The following SP140 variants were observed in gnomAD, a reference collection of about 807,000 sequenced individuals.
SP140 encodes the protein nuclear body protein SP140.
SP140 carries 81 observed loss-of-function variants against 125.0 expected under a neutral mutation model. That is an observed-to-expected ratio of 0.65 (90% confidence interval 0.54 to 0.78). The LOEUF (loss-of-function observed/expected upper bound fraction) is 0.78, where lower values mean the gene tolerates loss of function less well. Ranked by LOEUF, SP140 falls within the 30% of genes least tolerant of loss-of-function variation. The pLI, the probability that SP140 is intolerant of heterozygous loss-of-function variation, is 0.00. For synonymous variants in SP140, 312 were observed against 354.0 expected (o/e 0.88, Z 1.33); for missense variants, 858 against 1,037.0 (o/e 0.83, Z 2.37).
rs2049227777 is a variant in SP140, at chr2:230,245,024, C to T, written c.608C>T (p.Pro203Leu). The change falls in exon 6 of 27, where the codon CCA (proline) becomes CTA (leucine). Residue 203 changes from proline to leucine, a missense_variant. By Grantham distance (98) the Pro-to-Leu change is moderately conservative. This residue lies in a region of SP140 where 791 missense variants were observed against 869.5 expected (regional missense o/e 0.91). Transcript: ENST00000392045. ...GAGTCTTGTGAGCAGTTAGCTCTCCCAAAGGCTGGTGGAGGAGATGCTGAA... is the reference window on the plus strand; with the variant it reads ...GAGTCTTGTGAGCAGTTAGCTCTCCTAAAGGCTGGTGGAGGAGATGCTGAA... ...SSESCEQLAL[P>L]KAGGGDAEDA... 1 of 1,613,162 alleles carries T rather than the reference C, an allele frequency of 6.2e-7. No homozygotes were observed. The highest frequency in any genetic ancestry group is 1.3e-5 in the African/African-American group (1 of 74,842).
At chr2:230,216,663 C>G in intron 3 of SP140, 1 of 1,228,492 alleles carries the variant, frequency 8.1e-7, no homozygotes, top group Non-Finnish European at 1.2e-6. Flanking sequence ...TGATAATGAA[C>G]ATGCCTGGGC....
intron 15 of SP140, among the ~76,000 whole-genome samples, chr2:230,277,762 A>G (rs1044863541): frequency 3.3e-5 from 5 of 152,154 alleles, no homozygotes; most frequent in African/African-American, 1.2e-4. Context: ...ATGATGTGAG[A>G]TGGTAATTAA....
chr2:230,285,909 T>C, intron 17 of SP140, 77 bp downstream of exon 17: 1 of 1,093,462 alleles, frequency 9.1e-7, no homozygotes, highest in East Asian at 2.4e-5. Flanking sequence ...CGAGCCTAGA[T>C]CCACCTTAAT....
chr2:230,242,536 C>T (rs1264722542), intron 4 of SP140, among the ~76,000 whole-genome samples: 1 of 148,116 alleles, frequency 6.8e-6, no homozygotes, highest in Non-Finnish European at 1.5e-5. Context: ...GACCTGAGGA[C>T]CTTTACTCAA....
chr2:230,213,535 G>A (rs976922886), intron 1 of SP140: 1 of 166,284 alleles, frequency 6.0e-6, no homozygotes, highest in African/African-American at 2.4e-5. Context: ...CTGTGATCTG[G>A]TCACACCCAG....
chr2:230,280,625 A>G (rs1372723949), intron 15 of SP140, among the ~76,000 whole-genome samples: 1 of 152,074 alleles, frequency 6.6e-6, no homozygotes, highest in Non-Finnish European at 1.5e-5. Context: ...GCTGGTTTGG[A>G]AATTAAAGAT....
intron 3 of SP140, among the ~76,000 whole-genome samples, chr2:230,215,355 G>A (rs1436884677): frequency 6.6e-6 from 1 of 152,154 alleles, no homozygotes; most frequent in Non-Finnish European, 1.5e-5. Flanking sequence ...CTTTCTTAAA[G>A]TAAGTCTATA....
the SP140 span, among the ~76,000 whole-genome samples, chr2:230,191,799 C>T: frequency 6.6e-6 from 1 of 152,142 alleles, no homozygotes; most frequent in Non-Finnish European, 1.5e-5. Context: ...CAGCATCATC[C>T]TGATACCAAA....
chr2:230,220,754 A>T (rs143686571), upstream of SP140, among the ~76,000 whole-genome samples: 73 of 152,332 alleles, frequency 4.8e-4, no homozygotes, highest in African/African-American at 1.7e-3. Context: ...CTATAATCCC[A>T]GGACTTTAGG....
In SP140 at chr2:230,232,354, C is replaced by T. The variant is rs74940163; in HGVS notation, c.60-4729C>T. On this transcript the variant is annotated intron_variant, in intron 1 of 26. Coordinates refer to ENST00000392045, the MANE Select transcript of SP140 (RefSeq NM_007237.5). ...GCCTGCTGCCTCAGATAGTTGATCT[C>T]GGCTAATTCTCTGGATTTGCCTGTA... Among the ~76,000 whole-genome samples the T allele has an allele frequency of 3.1e-3, 476 of 152,324 alleles. 2 individuals are homozygous for T. The highest frequency in any genetic ancestry group is 0.011 in the African/African-American group (444 of 41,570).
chr2:230,218,903 A>T (rs1040991543), intron 3 of SP140, among the ~76,000 whole-genome samples: 1 of 151,812 alleles, frequency 6.6e-6, no homozygotes, highest in East Asian at 1.9e-4. Context: ...AATGAATAAT[A>T]CGATAAGCAT....
chr2:230,289,943 A>G (rs1027095077), intron 18 of SP140, among the ~76,000 whole-genome samples: 2 of 152,184 alleles, frequency 1.3e-5, no homozygotes, highest in Admixed American at 6.5e-5. Flanking sequence ...AGCTACGGGG[A>G]AAGCAGACAG....
intron 12 of SP140, among the ~76,000 whole-genome samples, chr2:230,269,310 A>G (rs1324653059): frequency 6.6e-6 from 1 of 152,250 alleles, no homozygotes; most frequent in Non-Finnish European, 1.5e-5. Flanking sequence ...TCAGGACTAC[A>G]AGTACAAAAA....
At chr2:230,192,271 G>A in the SP140 span, among the ~76,000 whole-genome samples, 46 of 152,296 alleles carry the variant, frequency 3.0e-4, no homozygotes, top group African/African-American at 1.1e-3. Flanking sequence ...CATAGTATTA[G>A]AAGTTCTGGC....
At chr2:230,280,470 T>C (rs945531839) in intron 15 of SP140, among the ~76,000 whole-genome samples, 6 of 152,198 alleles carry the variant, frequency 3.9e-5, no homozygotes, top group African/African-American at 1.4e-4. Context: ...TAAATTTCAA[T>C]TTGTTTACAT....
At chr2:230,295,116 G>A (rs886181313) in intron 21 of SP140, among the ~76,000 whole-genome samples, 2 of 152,242 alleles carry the variant, frequency 1.3e-5, no homozygotes, top group African/African-American at 4.8e-5. Context: ...TAAGTGCAGT[G>A]TATATTCAGG....
Position 230,249,287 on chromosome 2 carries a change from A to T in SP140, c.976+319A>T, listed in dbSNP as rs111894230. 3.7e-3 allele frequency among the ~76,000 whole-genome samples: 568 copies of T among 152,300 alleles called. 4 individuals carry two copies. The highest frequency in any genetic ancestry group is 6.1e-3 in the Non-Finnish European group (412 of 68,016). On this transcript the variant is annotated intron_variant, in intron 9 of 26. Transcript: ENST00000392045. Reference sequence around the variant, plus strand: ...ACACACATTAAACCTAAATAACAGCAGATTATGGCAACTGACGCAGGGGAG... The same window carrying T: ...ACACACATTAAACCTAAATAACAGCTGATTATGGCAACTGACGCAGGGGAG...
chr2:230,290,415 G>C, intron 18 of SP140, 45 bp from the exon 19 acceptor site: 3 of 1,559,142 alleles, frequency 1.9e-6, no homozygotes, highest in Non-Finnish European at 2.7e-6. Context: ...GAGGGGGGAC[G>C]TGCCTTTGCA....
chr2:230,253,433 A>G lies in SP140; in HGVS notation c.1159+16A>G, dbSNP rs2050684893. Reference sequence around the variant, plus strand: ...GAAGGAGAAGGTAATTATGATGTACATTTTTAGGTATTTGAGTACATCTTT... The same window carrying G: ...GAAGGAGAAGGTAATTATGATGTACGTTTTTAGGTATTTGAGTACATCTTT... On this transcript the variant is annotated intron_variant, in intron 11 of 26. Transcript: ENST00000392045. 1 of 1,554,252 alleles carries G rather than the reference A, an allele frequency of 6.4e-7. No homozygotes were observed. Among genetic ancestry groups the G allele is most frequent in the South Asian group, 1.1e-5 (1 of 89,836 alleles).
Sources: gnomAD v4.1 joint callset for allele counts (sites outside exome capture counted in the v4.1 genomes callset) on GRCh38, gnomAD v4.1.1 for gene constraint, gnomAD v4.1.1 regional missense constraint, MANE v1.5 for transcripts, NCBI Gene and HGNC (gene_info 2026-07-23, HGNC 2026-07-21) for gene names.